HDAC9: variants seen among roughly 807,000 people sequenced by gnomAD.
HDAC9 encodes MEF-2 interacting transcription repressor (MITR) protein.
HDAC9 carries 41 observed loss-of-function variants against 139.4 expected under a neutral mutation model. That is an observed-to-expected ratio of 0.29 (90% CI 0.23 to 0.38). The LOEUF (loss-of-function observed/expected upper bound fraction) is 0.38, where lower values mean the gene tolerates loss of function less well. Ranked by LOEUF, HDAC9 falls within the 10% of genes least tolerant of loss-of-function variation. HDAC9 has a pLI of 1.00. For synonymous variants in HDAC9, 517 were observed against 476.2 expected, an observed-to-expected ratio of 1.09 and a Z score of -1.12; for missense variants, 1,147 against 1,297.0, an observed-to-expected ratio of 0.88 and a Z score of 1.78.
chr7:18,451,627 A>G (rs1195912094), intron 1 of HDAC9, among the ~76,000 whole-genome samples: 1 of 151,792 alleles, frequency 6.6e-6, no homozygotes, highest in African/African-American at 2.4e-5. Flanking sequence ...ATTTATGTGG[A>G]TATAGAGGTA....
chr7:18,616,827 T>A (rs529284169), intron 6 of HDAC9, among the ~76,000 whole-genome samples: 5 of 152,304 alleles, frequency 3.3e-5, no homozygotes, highest in African/African-American at 1.2e-4. Context: ...TGCTGATCCA[T>A]GGTACCTGAA....
intron 2 of HDAC9, among the ~76,000 whole-genome samples, chr7:18,532,075 C>G (rs576812042): frequency 2.8e-4 from 43 of 152,150 alleles, no homozygotes; most frequent in African/African-American, 9.6e-4. Context: ...ATGGTGAAAC[C>G]CTGTCTCTAC....
intron 2 of HDAC9, among the ~76,000 whole-genome samples, chr7:18,192,073 G>A (rs1790385489): frequency 6.6e-6 from 1 of 152,176 alleles, no homozygotes; most frequent in Non-Finnish European, 1.5e-5. Context: ...TTTTTCACCA[G>A]GGATTCCTGT....
At chr7:18,279,129 A>G (rs188453965) in intron 2 of HDAC9, among the ~76,000 whole-genome samples, 229 of 152,328 alleles carry the variant, frequency 1.5e-3, no homozygotes, top group Non-Finnish European at 2.1e-3. Context: ...AGTCATAATA[A>G]AAGCTCGCTT....
chr7:18,308,291 A>G (rs1799065755), intron 1 of HDAC9, among the ~76,000 whole-genome samples: 1 of 152,224 alleles, frequency 6.6e-6, no homozygotes. Context: ...TAAACATCAG[A>G]AGAAAATAAA....
intron 2 of HDAC9, among the ~76,000 whole-genome samples, chr7:18,241,671 C>T (rs1297258332): frequency 6.6e-6 from 1 of 152,210 alleles, no homozygotes; most frequent in Admixed American, 6.5e-5. Context: ...GTGTTCTGGT[C>T]ACTTGGCTCA....
intron 2 of HDAC9, among the ~76,000 whole-genome samples, chr7:18,181,173 T>A (rs1403117993): frequency 1.3e-5 from 2 of 152,172 alleles, no homozygotes; most frequent in South Asian, 2.1e-4. Context: ...TTTTGGGAGG[T>A]TGTTATTCAG....
chr7:18,450,714 A>G (rs1792737268), intron 1 of HDAC9, among the ~76,000 whole-genome samples: 1 of 152,176 alleles, frequency 6.6e-6, no homozygotes, highest in Non-Finnish European at 1.5e-5. Context: ...GTTTCTTCAT[A>G]TTCATACTAT....
intron 1 of HDAC9, among the ~76,000 whole-genome samples, chr7:18,341,775 T>G (rs925550305): frequency 6.6e-6 from 1 of 151,882 alleles, no homozygotes; most frequent in Non-Finnish European, 1.5e-5. Flanking sequence ...CTAATTTGCA[T>G]ACCTGGTAAT....
intron 21 of HDAC9, among the ~76,000 whole-genome samples, chr7:18,869,217 T>A (rs1217662000): frequency 1.3e-5 from 2 of 148,862 alleles, no homozygotes; most frequent in African/African-American, 5.1e-5. Context: ...TTGGGAGAGT[T>A]GTCTTGGTCC....
At chr7:18,119,621 A>G (rs1784234567) in intron 1 of HDAC9, among the ~76,000 whole-genome samples, 1 of 152,198 alleles carries the variant, frequency 6.6e-6, no homozygotes, top group Non-Finnish European at 1.5e-5. Context: ...ATTTAATGGG[A>G]AAACACACTT....
intron 2 of HDAC9, among the ~76,000 whole-genome samples, chr7:18,513,520 A>G (rs995930795): frequency 6.6e-6 from 1 of 152,200 alleles, no homozygotes; most frequent in Non-Finnish European, 1.5e-5. Flanking sequence ...CAGCCATGCA[A>G]AGATCAAAGG....
intron 22 of HDAC9, among the ~76,000 whole-genome samples, chr7:18,911,328 G>T (rs1221795263): frequency 6.6e-6 from 1 of 151,706 alleles, no homozygotes; most frequent in African/African-American, 2.4e-5. Context: ...GTTGGTGTCA[G>T]TTGTAATGTC....
chr7:18,297,340 A>G (rs1585050881), intron 1 of HDAC9, among the ~76,000 whole-genome samples: 1 of 152,286 alleles, frequency 6.6e-6, no homozygotes, highest in African/African-American at 2.4e-5. Context: ...GTAGGGGATT[A>G]TTAGGCTGGC....
At chr7:18,785,733 G>A (rs1165053557) in intron 16 of HDAC9, among the ~76,000 whole-genome samples, 2 of 151,868 alleles carry the variant, frequency 1.3e-5, no homozygotes, top group African/African-American at 4.8e-5. Context: ...TTTACTTTTT[G>A]GATTTTGATT....
At chr7:18,612,786 C>G (rs1197629332) in intron 6 of HDAC9, among the ~76,000 whole-genome samples, 1 of 152,006 alleles carries the variant, frequency 6.6e-6, no homozygotes, top group African/African-American at 2.4e-5. Context: ...AATGGAGAAG[C>G]TGCCACATGA....
rs1285736325 is a variant in HDAC9 at position 18,593,991 on chromosome 7, C to T, written c.626C>T (p.Ala209Val). The T allele has an allele frequency of 1.9e-6, 3 of 1,612,586 alleles. No homozygotes were observed. The highest frequency in any genetic ancestry group is 2.5e-6 in the Non-Finnish European group (3 of 1,179,008). ...SPSYKYTLPG[A>V]QDAKDDFPLR... ...TCCTACAAGTACACATTACCAGGAG[C>T]ACAAGATGCAAAGGATGATTTCCCC... is the stretch of plus-strand genomic sequence containing the variant. The change falls in exon 6 of 26, where the codon GCA becomes GTA. Residue 209 changes from alanine (A) to valine (V), a missense_variant. Coordinates refer to ENST00000686413, the MANE Select transcript of HDAC9 (RefSeq NM_178425.4).
intron 1 of HDAC9, among the ~76,000 whole-genome samples, chr7:18,417,424 G>T (rs1393793758): frequency 1.3e-5 from 2 of 151,902 alleles, no homozygotes; most frequent in African/African-American, 4.8e-5. Context: ...CCTCACTATG[G>T]GTCATATTTT....
At chr7:18,887,578 C>T (rs1050684081) in intron 22 of HDAC9, among the ~76,000 whole-genome samples, 1 of 152,124 alleles carries the variant, frequency 6.6e-6, no homozygotes, top group Non-Finnish European at 1.5e-5. Context: ...AAATGTGACA[C>T]TCTACATATA....
Sources: gnomAD v4.1 joint callset for allele counts (sites outside exome capture counted in the v4.1 genomes callset) on GRCh38, gnomAD v4.1.1 for gene constraint, MANE v1.5 for transcripts, NCBI Gene and HGNC (gene_info 2026-07-23, HGNC 2026-07-21) for gene names.